Variants in SYNE1 observed in about 807,000 individuals in gnomAD.
The protein encoded by SYNE1 is nesprin-1.
SYNE1 carries 616 observed loss-of-function variants against 1,111.0 expected under a neutral mutation model. The observed-to-expected ratio is 0.55, with a 90% CI of 0.52 to 0.59. The LOEUF is 0.59. SYNE1 is among the 20% of genes least tolerant of loss of function. The pLI, the probability that SYNE1 is intolerant of heterozygous loss-of-function variation, is 0.00. For synonymous variants in SYNE1, 3,855 were observed against 3,825.8 expected, an observed-to-expected ratio of 1.01 and a Z score of -0.28; for missense variants, 10,006 against 10,417.0, an observed-to-expected ratio of 0.96 and a Z score of 1.72.
At chr6:152,549,826 G>T (rs1424736597) in intron 3 of SYNE1, among the ~76,000 whole-genome samples, 1 of 152,078 alleles carries the variant, frequency 6.6e-6, no homozygotes, top group Non-Finnish European at 1.5e-5. Context: ...TTCAGAATTG[G>T]AGTTGCATTT....
chr6:152,463,127 T>A (rs1032836810), intron 19 of SYNE1, among the ~76,000 whole-genome samples: 7 of 152,174 alleles, frequency 4.6e-5, no homozygotes, highest in Non-Finnish European at 1.0e-4. Flanking sequence ...ATAAGTAGGC[T>A]CCATATGTCA....
chr6:152,428,907 C>T (rs918248723), intron 36 of SYNE1, among the ~76,000 whole-genome samples: 2 of 151,980 alleles, frequency 1.3e-5, no homozygotes, highest in African/African-American at 4.8e-5. Context: ...TATCTAAAAA[C>T]TTTCAACTTT....
At chr6:152,560,068 GA>G (rs1564850223) in intron 3 of SYNE1, among the ~76,000 whole-genome samples, 3 of 152,050 alleles carry the variant, frequency 2.0e-5, no homozygotes, top group Non-Finnish European at 4.4e-5. Flanking sequence ...AGAAGAAATA[GA>G]AGGCTGGGCA....
intron 100 of SYNE1, among the ~76,000 whole-genome samples, chr6:152,266,626 C>G (rs1028809113): frequency 1.8e-4 from 28 of 152,140 alleles, no homozygotes; most frequent in African/African-American, 6.3e-4. Context: ...CTTATAGATG[C>G]CATAATACTA....
chr6:152,519,627 T>C lies in SYNE1; in HGVS notation c.309+832A>G, dbSNP rs754599863. ...TTCCAATTAATAAATATAGAAGGAA[T>C]GAGGAAAACAGAAAATCATTAGGCA... On this transcript the variant is annotated intron_variant, in intron 6 of 145. Transcript: ENST00000367255. Among the ~76,000 whole-genome samples, 38 of 152,012 alleles carry C rather than the reference T, an allele frequency of 2.5e-4. 2 individuals are homozygous for C. The highest frequency in any genetic ancestry group is 3.3e-4 in the Admixed American group (5 of 15,242).
At chr6:152,260,503 C>T (rs1266817519) in intron 101 of SYNE1, among the ~76,000 whole-genome samples, 2 of 152,120 alleles carry the variant, frequency 1.3e-5, no homozygotes, top group Middle Eastern at 3.2e-3. Context: ...GCTATTTCTG[C>T]AGACAGAGGT....
chr6:152,239,202 C>A (rs1266146390), intron 108 of SYNE1, among the ~76,000 whole-genome samples: 1 of 152,132 alleles, frequency 6.6e-6, no homozygotes, highest in African/African-American at 2.4e-5. Context: ...CAGGTGTGAG[C>A]CACTGCACCT....
chr6:152,515,076 G>A (rs1415614682), intron 6 of SYNE1, among the ~76,000 whole-genome samples: 1 of 152,020 alleles, frequency 6.6e-6, no homozygotes, highest in Non-Finnish European at 1.5e-5. Flanking sequence ...ACAAAAATTA[G>A]CTAGGCTTGG....
At chr6:152,578,423 C>T (rs767459339) in intron 3 of SYNE1, among the ~76,000 whole-genome samples, 4 of 152,016 alleles carry the variant, frequency 2.6e-5, no homozygotes, top group Non-Finnish European at 4.4e-5. Context: ...GGTGAAATCC[C>T]GTTTCCACAA....
intron 117 of SYNE1, among the ~76,000 whole-genome samples, chr6:152,222,993 A>G (rs2080529111): frequency 6.6e-6 from 1 of 152,212 alleles, no homozygotes; most frequent in South Asian, 2.1e-4. Context: ...TGCTGAGGTG[A>G]CAGACTCAGT....
In SYNE1 at chr6:152,331,743, G is replaced by A. The variant is rs1475364967; in HGVS notation, c.12942C>T (p.Val4314=). 6.2e-7 allele frequency: 1 copy of A among 1,614,116 alleles called. No homozygotes were observed. Among genetic ancestry groups the A allele is most frequent in the Admixed American group, 1.7e-5 (1 of 60,020 alleles). ...EHLNLDDKEL[V]KEQTSHLEQR... The stretch of plus-strand genomic sequence containing the variant: ...GCTCTAAATGACTCGTCTGTTCTTT[G>A]ACTAACTCCTTGTCATCTAAATTCA... The change falls in exon 78 of 146, where the codon GTC becomes GTT. Residue 4314 remains valine, a synonymous_variant. Coordinates refer to ENST00000367255, the MANE Select transcript of SYNE1 (RefSeq NM_182961.4).
intron 14 of SYNE1, among the ~76,000 whole-genome samples, chr6:152,482,043 C>T (rs1178944650): frequency 6.6e-6 from 1 of 151,956 alleles, no homozygotes. Flanking sequence ...CACTGAGTAT[C>T]AGAAAAGGCC....
At chr6:152,156,243 T>C in intron 131 of SYNE1, 146 bp from the exon 132 acceptor site, 1 of 974,874 alleles carries the variant, frequency 1.0e-6, no homozygotes, top group South Asian at 1.5e-5. Flanking sequence ...GAGCCTCATT[T>C]ATGAAATCCA....
intron 130 of SYNE1, chr6:152,168,502 G>T: frequency 3.0e-6 from 1 of 333,136 alleles, no homozygotes; most frequent in Non-Finnish European, 5.5e-6. Context: ...TCTAAAGAAA[G>T]GACAGCAAAA....
chr6:152,450,781 A>G lies in SYNE1; in HGVS notation c.3239T>C (p.Leu1080Pro). ...GAGTTTCACACAGAGTTCCTCGATG[A>G]GCTGTAACCTTTTCTCACAGAGATG... ...PHHLCEKRLQLIEELCVKLPV... is the reference protein window; with the variant it reads ...PHHLCEKRLQPIEELCVKLPV... The change falls in exon 27 of 146, where the codon CTC becomes CCC. Residue 1080 changes from leucine (L) to proline (P), a missense_variant. Coordinates refer to ENST00000367255, the MANE Select transcript of SYNE1 (RefSeq NM_182961.4). 1 of 1,614,092 alleles carries G rather than the reference A, an allele frequency of 6.2e-7. No individual in the cohort carries two copies. The highest frequency in any genetic ancestry group is 8.5e-7 in the Non-Finnish European group (1 of 1,180,030).
intron 128 of SYNE1, 91 bp downstream of exon 128, chr6:152,189,161 G>T (rs939813588): frequency 1.5e-6 from 2 of 1,347,940 alleles, no homozygotes; most frequent in South Asian, 1.2e-5. Context: ...ATTATGGGCC[G>T]GGTCCACATG....
intron 51 of SYNE1, among the ~76,000 whole-genome samples, chr6:152,392,544 G>T (rs924689331): frequency 6.6e-6 from 1 of 152,122 alleles, no homozygotes; most frequent in African/African-American, 2.4e-5. Context: ...CAAATCTCTC[G>T]TGGAAACTGA....
chr6:152,520,874 T>C (rs2099135547), intron 5 of SYNE1, among the ~76,000 whole-genome samples: 1 of 152,138 alleles, frequency 6.6e-6, no homozygotes, highest in South Asian at 2.1e-4. Flanking sequence ...GCACAGCCCA[T>C]TTATTTAGCT....
At chr6:152,130,877 A>G in intron 144 of SYNE1, 99 bp from the exon 145 acceptor site, 1 of 1,246,224 alleles carries the variant, frequency 8.0e-7, no homozygotes. Flanking sequence ...GCAGCAAAGG[A>G]AAAATAAATC....
Sources: allele counts gnomAD v4.1 joint callset (sites outside exome capture counted in the v4.1 genomes callset), GRCh38; gene constraint gnomAD v4.1.1; transcripts MANE v1.5; gene names NCBI Gene and HGNC (gene_info 2026-07-23, HGNC 2026-07-21).